SMARCA1: variants seen among roughly 807,000 people sequenced by gnomAD.
The protein encoded by SMARCA1 is SWI/SNF-related matrix-associated actin-dependent regulator of chromatin subfamily A member 1.
Under a neutral mutation model 93.6 loss-of-function variants are expected in SMARCA1, and 17 were observed. The ratio of observed to expected loss-of-function variants is 0.18; its 90% confidence interval spans 0.12 to 0.27. The LOEUF (loss-of-function observed/expected upper bound fraction) is 0.27, where lower values mean the gene tolerates loss of function less well. Among genes scored for constraint, SMARCA1 ranks in the 10% least tolerant of loss-of-function variants. SMARCA1 has a pLI of 1.00. For synonymous variants in SMARCA1, 271 were observed against 271.4 expected (o/e 1.00, Z 0.01); for missense variants, 630 against 819.0 (o/e 0.77, Z 2.82).
chrX:129,502,974 G>C (rs1934625310), intron 9 of SMARCA1, among the ~76,000 whole-genome samples: 2 of 112,140 alleles, frequency 1.8e-5, no homozygotes, highest in South Asian at 3.7e-4. Context: ...CCACTGACCA[G>C]AGAAAAGACA....
intron 15 of SMARCA1, among the ~76,000 whole-genome samples, 170 bp downstream of exon 15, chrX:129,489,890 T>G (rs1479292831): frequency 8.9e-6 from 1 of 112,268 alleles, no homozygotes; most frequent in African/African-American, 3.2e-5. Context: ...TTTCCTTTTA[T>G]TTTTAGGTGA....
chrX:129,517,186 AGT>A (rs1768868470), intron 2 of SMARCA1, among the ~76,000 whole-genome samples: 1 of 111,612 alleles, frequency 9.0e-6, no homozygotes, highest in South Asian at 3.7e-4. Flanking sequence ...TATGTGAAAT[AGT>A]TTATTAACTA....
chrX:129,523,409 G>A lies in SMARCA1; in HGVS notation c.-39C>T. The A allele has an allele frequency of 9.1e-7, 1 of 1,102,321 alleles. No individual in the cohort carries two copies. Among genetic ancestry groups the A allele is most frequent in the African/African-American group, 1.8e-5 (1 of 54,625 alleles). 90.8% of individuals were successfully genotyped at this position (1,102,321 alleles called of 1,213,427 possible). Reference sequence around the variant, plus strand: ...GAACGAGTAGGGGGACAAGGCAGGGGACGAGGGCTCCTGGGCGGCGGCAGT... The same window carrying A: ...GAACGAGTAGGGGGACAAGGCAGGGAACGAGGGCTCCTGGGCGGCGGCAGT... On this transcript the variant is annotated 5_prime_UTR_variant, in exon 1 of 25. Coordinates refer to ENST00000371121, the MANE Select transcript of SMARCA1 (RefSeq NM_001282874.2).
chrX:129,462,265 ATTCTCT>A (rs1932818809), intron 23 of SMARCA1, among the ~76,000 whole-genome samples: 1 of 112,084 alleles, frequency 8.9e-6, no homozygotes, highest in Non-Finnish European at 1.9e-5. Context: ...ATCAAATTAC[ATTCTCT>A]GTAGTTCTAA....
intron 19 of SMARCA1, among the ~76,000 whole-genome samples, chrX:129,473,328 A>C (rs1185633086): frequency 9.0e-6 from 1 of 111,681 alleles, no homozygotes; most frequent in Non-Finnish European, 1.9e-5. Context: ...GATGGTGGCA[A>C]ATGGAAATGG....
chrX:129,515,148 A>G (rs1457405842), intron 5 of SMARCA1, among the ~76,000 whole-genome samples: 2 of 111,779 alleles, frequency 1.8e-5, no homozygotes, highest in Non-Finnish European at 3.8e-5. Context: ...ACAAAAGTAC[A>G]GAGAAGGTTT....
At chrX:129,514,971 C>A (rs760218471) in intron 5 of SMARCA1, among the ~76,000 whole-genome samples, 2 of 111,314 alleles carry the variant, frequency 1.8e-5, no homozygotes, top group Non-Finnish European at 3.8e-5. Flanking sequence ...ATTGCTTGAA[C>A]CTGGGAGGTG....
intron 23 of SMARCA1, among the ~76,000 whole-genome samples, chrX:129,454,326 A>C: frequency 8.9e-6 from 1 of 112,503 alleles, no homozygotes; most frequent in Non-Finnish European, 1.9e-5. Flanking sequence ...TAAGACCTAA[A>C]ACCATAAAAA....
chrX:129,516,518 A>C (rs1268285481), intron 2 of SMARCA1, 21 bp from the exon 3 acceptor site: 2 of 1,175,453 alleles, frequency 1.7e-6, no homozygotes, highest in South Asian at 3.8e-5. Context: ...AAACAAAAGA[A>C]AAGTAAGGAC....
intron 11 of SMARCA1, 149 bp downstream of exon 11, chrX:129,497,696 A>G: frequency 4.5e-6 from 2 of 447,255 alleles, no homozygotes; most frequent in Non-Finnish European, 7.9e-6. Context: ...TCATCTTTGT[A>G]CACCCAGCCT....
chrX:129,485,631 A>G (rs958251079), intron 17 of SMARCA1, among the ~76,000 whole-genome samples: 1 of 111,714 alleles, frequency 9.0e-6, no homozygotes, highest in Non-Finnish European at 1.9e-5. Context: ...CAAATCTCAC[A>G]TGGAAATTTG....
At chrX:129,465,018 C>T (rs988259025) in intron 23 of SMARCA1, among the ~76,000 whole-genome samples, 2 of 110,386 alleles carry the variant, frequency 1.8e-5, no homozygotes, top group African/African-American at 6.6e-5. Context: ...GACCCAACAA[C>T]GAAATGTAAT....
intron 20 of SMARCA1, among the ~76,000 whole-genome samples, chrX:129,469,554 C>T (rs1020357855): frequency 2.7e-5 from 3 of 112,118 alleles, no homozygotes. Context: ...TTGTCTTCCA[C>T]TCCTCGAGCC....
chrX:129,462,930 ATAT>A (rs34789403), intron 23 of SMARCA1, among the ~76,000 whole-genome samples: 12,883 of 110,532 alleles, frequency 0.12, 567 homozygotes, highest in East Asian at 0.24. Flanking sequence ...GTGGTTGATA[ATAT>A]TATACTGGAT....
chrX:129,489,719 G>A (rs770481144), intron 15 of SMARCA1, among the ~76,000 whole-genome samples: 35 of 111,345 alleles, frequency 3.1e-4, no homozygotes, highest in African/African-American at 1.1e-3. Flanking sequence ...CACCACACCC[G>A]GCTAATTTTT....
At chrX:129,482,144 A>T (rs1421743032) in intron 17 of SMARCA1, among the ~76,000 whole-genome samples, 1 of 82,494 alleles carries the variant, frequency 1.2e-5, no homozygotes, top group East Asian at 4.1e-4. Context: ...GATCACATGG[A>T]CACAGGAAGG....
At chrX:129,449,449 G>T (rs1198801457) in intron 23 of SMARCA1, among the ~76,000 whole-genome samples, 1 of 111,683 alleles carries the variant, frequency 9.0e-6, no homozygotes, top group Non-Finnish European at 1.9e-5. Context: ...AAACACTGCT[G>T]TATTTGTTAA....
chrX:129,514,838 A>T (rs1214342076), intron 5 of SMARCA1, among the ~76,000 whole-genome samples: 2 of 110,764 alleles, frequency 1.8e-5, no homozygotes, highest in Non-Finnish European at 3.8e-5. Context: ...TCACAAGGTC[A>T]GGAGTTCAAG....
Position 129,518,392 on chromosome X carries a change from T to C in SMARCA1, c.230A>G (p.Lys77Arg), listed in dbSNP as rs758237287. The part of the protein sequence containing the change: ...KLAAKAPKSE[K>R]EMDPEYEEKM... ...CTCTTCATATTCTGGGTCCATTTCC[T>C]TTTCAGATTTAGGCGCTTTAGCAGC... Residue 77 changes from lysine (K) to arginine (R), a missense_variant, in exon 2 of 25, where the codon AAG (lysine) becomes AGG (arginine). Coordinates refer to ENST00000371121, the MANE Select transcript of SMARCA1 (RefSeq NM_001282874.2). 1 of 1,196,375 alleles carries C rather than the reference T, an allele frequency of 8.4e-7. No homozygotes were observed.
Sources: gnomAD v4.1 joint callset for allele counts (sites outside exome capture counted in the v4.1 genomes callset) on GRCh38, gnomAD v4.1.1 for gene constraint, MANE v1.5 for transcripts, NCBI Gene and HGNC (gene_info 2026-07-23, HGNC 2026-07-21) for gene names.